RNF216: variants seen among roughly 807,000 people sequenced by gnomAD.
The protein encoded by RNF216 is E3 ubiquitin-protein ligase RNF216.
Under a neutral mutation model 110.8 loss-of-function variants are expected in RNF216, and 72 were observed. That is an observed-to-expected ratio of 0.65 (90% CI 0.54 to 0.79). RNF216 has a LOEUF of 0.79. Ranked by LOEUF, RNF216 falls within the 30% of genes least tolerant of loss-of-function variation. RNF216 has a pLI of 0.00. For missense variants in RNF216, 1,342 were observed against 1,141.2 expected, an observed-to-expected ratio of 1.18 and a Z score of -2.54; for synonymous variants, 495 against 407.5, an observed-to-expected ratio of 1.21 and a Z score of -2.59.
rs1483471406 is a variant in RNF216 at position 5,678,793 on chromosome 7, CA to C, written c.2062-26284del. ...GCTCCTCACACAGAAGGTGACGGAG[CA>C]GATTTCTCGACTCCACTTCATCAGG... On this transcript the variant is annotated intron_variant, in intron 13 of 16. Transcript: ENST00000389902. 2.0e-5 allele frequency among the ~76,000 whole-genome samples: 3 copies of C among 152,322 alleles called. No homozygotes were observed. The East Asian group carries it at 5.8e-4, about 29-fold the overall frequency.
At chr7:5,716,483 A>C (rs1020597571) in intron 10 of RNF216, among the ~76,000 whole-genome samples, 2 of 152,126 alleles carry the variant, frequency 1.3e-5, no homozygotes, top group African/African-American at 4.8e-5. Flanking sequence ...GATGAATGTC[A>C]GGTAATGATT....
intron 13 of RNF216, chr7:5,666,596 C>T (rs562735150): frequency 1.3e-5 from 2 of 152,230 alleles, no homozygotes; most frequent in African/African-American, 4.8e-5. Context: ...AGGTTGATTC[C>T]CAAAGAACCC....
chr7:5,776,420 T>TA (rs76385326), intron 1 of RNF216, among the ~76,000 whole-genome samples: 9,839 of 134,774 alleles, frequency 0.073, 1,039 homozygotes, highest in African/African-American at 0.24. Context: ...CGTCTCTACT[T>TA]AAAAAAAAAA....
At chr7:5,760,522 G>GAAA (rs756562209) in intron 2 of RNF216, 27 of 226,148 alleles carry the variant, frequency 1.2e-4, no homozygotes, top group East Asian at 3.0e-4. Context: ...CTCAAAAAAA[G>GAAA]AAAAAAAAAA....
At chr7:5,660,946 T>TTG (rs1231321446) in intron 13 of RNF216, among the ~76,000 whole-genome samples, 68 of 123,314 alleles carry the variant, frequency 5.5e-4, no homozygotes, top group African/African-American at 2.4e-3. Context: ...GCCTTAGGTT[T>TTG]TTTTTTTTTT....
chr7:5,659,956 T>C (rs929930367), intron 13 of RNF216, among the ~76,000 whole-genome samples: 1 of 150,438 alleles, frequency 6.6e-6, no homozygotes, highest in African/African-American at 2.4e-5. Flanking sequence ...TCATTAATTT[T>C]TTTTTTTTTT....
At chr7:5,636,602 G>A (rs1423698696) in intron 15 of RNF216, among the ~76,000 whole-genome samples, 2 of 152,120 alleles carry the variant, frequency 1.3e-5, no homozygotes, top group African/African-American at 2.4e-5. Flanking sequence ...CTTCTGAATG[G>A]CTTTGTGTTC....
At chr7:5,769,665 A>C (rs1328751595) in intron 1 of RNF216, among the ~76,000 whole-genome samples, 1 of 152,026 alleles carries the variant, frequency 6.6e-6, no homozygotes, top group African/African-American at 2.4e-5. Flanking sequence ...CAGAAGTTGC[A>C]GTAAGCTAAG....
chr7:5,700,403 A>G (rs1473943367), intron 13 of RNF216, among the ~76,000 whole-genome samples: 2 of 152,234 alleles, frequency 1.3e-5, no homozygotes, highest in Non-Finnish European at 1.5e-5. Context: ...GTAGGTATCA[A>G]TTCTTGAGGG....
chr7:5,671,804 TCA>T (rs1789931767), intron 13 of RNF216, among the ~76,000 whole-genome samples: 1 of 29,676 alleles, frequency 3.4e-5, no homozygotes, highest in Admixed American at 4.4e-4. Flanking sequence ...AAACTCCGTC[TCA>T]AAAAAAAAAA....
intron 8 of RNF216, among the ~76,000 whole-genome samples, chr7:5,724,862 G>C (rs754548103): frequency 6.6e-6 from 1 of 152,146 alleles, no homozygotes; most frequent in Admixed American, 6.5e-5. Context: ...CTTCAAAAGG[G>C]TTTTCAGCAG....
rs570325342 is a variant in RNF216, at chr7:5,677,755, C to A, written c.2062-25245G>T. Reference sequence around the variant, plus strand: ...GTCCTGGGAGTGTTGCTCAGGAAATCCTAGGAATCAGAGTCTGCCCAAGGG... The same window carrying A: ...GTCCTGGGAGTGTTGCTCAGGAAATACTAGGAATCAGAGTCTGCCCAAGGG... On this transcript the variant is annotated intron_variant, in intron 13 of 16. Coordinates refer to ENST00000389902, the MANE Select transcript of RNF216 (RefSeq NM_207111.4). Among the ~76,000 whole-genome samples, 8 of 152,256 alleles carry A rather than the reference C, an allele frequency of 5.3e-5. No individual in the cohort carries two copies. In the East Asian group the frequency reaches 1.2e-3, roughly 22 times the overall value.
At chr7:5,647,798 T>C (rs1340156958) in intron 14 of RNF216, among the ~76,000 whole-genome samples, 2 of 152,314 alleles carry the variant, frequency 1.3e-5, no homozygotes, top group South Asian at 4.1e-4. Flanking sequence ...CTTAAATTTA[T>C]CCCCTCTTCT....
At chr7:5,715,261 T>C in intron 10 of RNF216, 71 bp from the exon 11 acceptor site, 1 of 1,497,178 alleles carries the variant, frequency 6.7e-7, no homozygotes. Flanking sequence ...TCTCCCATCC[T>C]CATCTCTCTG....
At chr7:5,779,255 C>T (rs1422749281) in intron 1 of RNF216, among the ~76,000 whole-genome samples, 1 of 152,264 alleles carries the variant, frequency 6.6e-6, no homozygotes, top group African/African-American at 2.4e-5. Flanking sequence ...CCTTCTTTAT[C>T]AGATTTCTCC....
At chr7:5,770,394 G>C (rs1248941480) in intron 1 of RNF216, among the ~76,000 whole-genome samples, 1 of 151,776 alleles carries the variant, frequency 6.6e-6, no homozygotes, top group Non-Finnish European at 1.5e-5. Context: ...CTGGGAGGCG[G>C]AGGTTGTGGT....
rs1430070267 is a variant in RNF216, at chr7:5,621,952, G to C, written c.*908C>G. ...ACTGAGAACACCCGGGGCACACACG[G>C]GGCAGGGGTGGCACCCAGGGTCACC... On this transcript the variant is annotated 3_prime_UTR_variant, in exon 17 of 17. Transcript: ENST00000389902. The C allele has an allele frequency of 1.3e-5, 2 of 152,418 alleles. No individual in the cohort carries two copies. Among genetic ancestry groups the C allele is most frequent in the Non-Finnish European group, 2.9e-5 (2 of 68,346 alleles). The allele number at this position is 152,418 out of a possible 1,614,324, so 9.4% of individuals were successfully genotyped here. A position where few individuals can be genotyped will look rare whatever the true frequency, so the allele number is the denominator to read the frequency against.
rs548618558 is a variant in RNF216 at position 5,725,311 on chromosome 7, C to G, written c.1504+13G>C. ...TTGCAGCTACACACTGCCACCAACA[C>G]AGTTTGCATTACCTTGTTCAAACTT... On this transcript the variant is annotated intron_variant, in intron 8 of 16. Coordinates refer to ENST00000389902, the MANE Select transcript of RNF216 (RefSeq NM_207111.4). The G allele has an allele frequency of 1.1e-5, 16 of 1,435,452 alleles. No homozygotes were observed. The East Asian group carries it at 3.0e-4, about 26-fold the overall frequency. The allele number at this position is 1,435,452 out of a possible 1,614,324, so 88.9% of individuals were successfully genotyped here. A position where few individuals can be genotyped will look rare whatever the true frequency, so the allele number is the denominator to read the frequency against.
rs145999913 is a variant in RNF216 at position 5,652,110 on chromosome 7, T to C, written c.2159+303A>G. Among the ~76,000 whole-genome samples, 591 of 152,262 alleles carry C rather than the reference T, an allele frequency of 3.9e-3. 2 individuals carry two copies. The highest frequency in any genetic ancestry group is 0.014 in the African/African-American group (572 of 41,528). On this transcript the variant is annotated intron_variant, in intron 14 of 16. Transcript: ENST00000389902. ...ATAACACAGACATAAGCAACACTAGTGCAGTCTAAGTTAATTAAAACGCGT... is the reference window on the plus strand; with the variant it reads ...ATAACACAGACATAAGCAACACTAGCGCAGTCTAAGTTAATTAAAACGCGT...
Sources: allele counts gnomAD v4.1 joint callset (sites outside exome capture counted in the v4.1 genomes callset), GRCh38; gene constraint gnomAD v4.1.1; transcripts MANE v1.5; gene names NCBI Gene and HGNC (gene_info 2026-07-23, HGNC 2026-07-21).